DCHS2: variants seen among roughly 807,000 people sequenced by gnomAD.
DCHS2 encodes the protein dachsous cadherin-related 2, also known as protocadherin-23.
In DCHS2, 142 loss-of-function variants were observed where a neutral mutation model predicts 182.4. The observed-to-expected ratio is 0.78, with a 90% confidence interval of 0.68 to 0.89. The LOEUF (loss-of-function observed/expected upper bound fraction) is 0.89, where lower values mean the gene tolerates loss of function less well. Ranked by LOEUF, DCHS2 falls within the 40% of genes least tolerant of loss-of-function variation. The pLI, the probability that DCHS2 is intolerant of heterozygous loss-of-function variation, is 0.00. For synonymous variants in DCHS2, 1,740 were observed against 1,663.3 expected, an observed-to-expected ratio of 1.05 and a Z score of -1.12; for missense variants, 4,319 against 4,198.6, an observed-to-expected ratio of 1.03 and a Z score of -0.79.
At chr4:154,321,680 C>G (rs1314551195) in intron 8 of DCHS2, among the ~76,000 whole-genome samples, 1 of 152,112 alleles carries the variant, frequency 6.6e-6, no homozygotes, top group East Asian at 1.9e-4. Context: ...TTCTCTTAAC[C>G]CACATACCCT....
At chr4:154,451,358 G>T (rs547305052) in intron 1 of DCHS2, among the ~76,000 whole-genome samples, 10 of 152,112 alleles carry the variant, frequency 6.6e-5, no homozygotes, top group South Asian at 2.1e-4. Flanking sequence ...CACTTACTAC[G>T]CTCATCATGA....
At chr4:154,319,871 A>G (rs926118561) in intron 9 of DCHS2, among the ~76,000 whole-genome samples, 2 of 152,156 alleles carry the variant, frequency 1.3e-5, no homozygotes, top group African/African-American at 4.8e-5. Flanking sequence ...GATCTTGAAG[A>G]GAGAGTAACA....
chr4:154,357,160 C>T, intron 3 of DCHS2: 1 of 1,139,636 alleles, frequency 8.8e-7, no homozygotes, highest in Non-Finnish European at 1.3e-6. Context: ...TAGGTGCTTT[C>T]ATGGCCTTTT....
Position 154,322,335 on chromosome 4 carries a change from ATAT to A in DCHS2, c.4169_4171del (p.Asn1390del), listed in dbSNP as rs774836148. 4.3e-6 allele frequency: 7 copies of A among 1,613,244 alleles called. No individual in the cohort carries two copies. On this transcript the variant is annotated inframe_deletion, in exon 8 of 20. Transcript: ENST00000357232. Reference sequence around the variant, plus strand: ...ATTTTATGGTGACAACATTACCTGAATATTAACAACTGCCTGTCCTTGAAGAGG... The same window carrying A: ...ATTTTATGGTGACAACATTACCTGAATAACAACTGCCTGTCCTTGAAGAGG...
chr4:154,280,057 C>T (rs979942674), intron 13 of DCHS2, among the ~76,000 whole-genome samples: 1 of 151,718 alleles, frequency 6.6e-6, no homozygotes, highest in Non-Finnish European at 1.5e-5. Flanking sequence ...AAAACCAATG[C>T]CACAGAAATC....
At chr4:154,237,928 ATTTAATGTTTTTAACATTGCC>A (rs1365528030) in intron 19 of DCHS2, among the ~76,000 whole-genome samples, 2 of 152,190 alleles carry the variant, frequency 1.3e-5, no homozygotes, top group African/African-American at 4.8e-5. Flanking sequence ...TAAACATTGC[ATTTAATGTTTTTAACATTGCC>A]TTTAATGTTT....
In DCHS2 at chr4:154,298,624, C is replaced by T; in HGVS notation, c.5690G>A (p.Ser1897Asn). ...GCACAGAATGACAAGGGTAAAATTG[C>T]TGATTTGCTCCCGGTCCAAAGCACG... The part of the protein sequence containing the change: ...TTRALDREQI[S>N]NFTLVILCSD... Residue 1897 changes from serine (S) to asparagine (N), a missense_variant, in exon 13 of 20, where the codon AGC (serine) becomes AAC (asparagine). Physicochemically the swap from Ser to Asn is conservative, Grantham distance 46. Coordinates refer to ENST00000357232, the MANE Select transcript of DCHS2 (RefSeq NM_001358235.2). The T allele has an allele frequency of 6.2e-7, 1 of 1,614,094 alleles. No homozygotes were observed. The highest frequency in any genetic ancestry group is 8.5e-7 in the Non-Finnish European group (1 of 1,179,976).
Position 154,298,120 on chromosome 4 carries a change from A to G in DCHS2, c.6194T>C (p.Leu2065Pro), listed in dbSNP as rs1395478229. 6.2e-7 allele frequency: 1 copy of G among 1,614,188 alleles called. No homozygotes were observed. The highest frequency in any genetic ancestry group is 8.5e-7 in the Non-Finnish European group (1 of 1,180,034). Residue 2065 changes from leucine (L) to proline (P), a missense_variant, in exon 13 of 20, where the codon CTG becomes CCG. Coordinates refer to ENST00000357232, the MANE Select transcript of DCHS2 (RefSeq NM_001358235.2). ...QTTVIVRADD[L>P]DLGPNGTVVF... is the part of the protein sequence containing the mutation. ...CACAGTTCCATTGGGCCCCAAGTCC[A>G]GGTCATCAGCTCTCACAATGACAGT... is the stretch of plus-strand genomic sequence containing the variant.
At chr4:154,390,205 G>A (rs1223970440) in intron 1 of DCHS2, among the ~76,000 whole-genome samples, 3 of 149,500 alleles carry the variant, frequency 2.0e-5, no homozygotes, top group South Asian at 2.1e-4. Flanking sequence ...ACGCTGGTGC[G>A]CTGCACCCAC....
chr4:154,275,379 T>G (rs1733808078), intron 13 of DCHS2, among the ~76,000 whole-genome samples: 1 of 152,168 alleles, frequency 6.6e-6, no homozygotes. Context: ...CAAACGGTTA[T>G]TCTTTTCAAG....
chr4:154,385,609 T>C (rs1731376891), intron 1 of DCHS2, among the ~76,000 whole-genome samples: 1 of 151,952 alleles, frequency 6.6e-6, no homozygotes, highest in African/African-American at 2.4e-5. Flanking sequence ...TGACTTAGCC[T>C]CCCAAGTGCT....
At chr4:154,468,812 T>C (rs773650243) in intron 1 of DCHS2, among the ~76,000 whole-genome samples, 3 of 152,080 alleles carry the variant, frequency 2.0e-5, no homozygotes, top group Non-Finnish European at 4.4e-5. Flanking sequence ...AAATACCAAA[T>C]ATTTATTGCC....
intron 3 of DCHS2, among the ~76,000 whole-genome samples, chr4:154,342,263 T>A (rs550554676): frequency 2.0e-4 from 30 of 152,156 alleles, no homozygotes; most frequent in Non-Finnish European, 4.1e-4. Context: ...AGTGGTAATC[T>A]TCTTGCTGGT....
At chr4:154,388,760 C>T (rs1160037243) in intron 1 of DCHS2, among the ~76,000 whole-genome samples, 1 of 152,084 alleles carries the variant, frequency 6.6e-6, no homozygotes, top group East Asian at 1.9e-4. Flanking sequence ...TCCCAAAGTG[C>T]TGGGATTACA....
chr4:154,381,267 G>A (rs1354980663), intron 1 of DCHS2, among the ~76,000 whole-genome samples: 1 of 151,948 alleles, frequency 6.6e-6, no homozygotes, highest in African/African-American at 2.4e-5. Context: ...TTCTCCCCAA[G>A]TCTATCTTTC....
At chr4:154,260,591 G>A (rs563730651) in intron 14 of DCHS2, among the ~76,000 whole-genome samples, 5 of 152,062 alleles carry the variant, frequency 3.3e-5, no homozygotes, top group African/African-American at 4.8e-5. Flanking sequence ...TCACGCATGC[G>A]GTTCCATCAG....
chr4:154,438,916 T>C (rs957529096), intron 1 of DCHS2, among the ~76,000 whole-genome samples: 4 of 152,088 alleles, frequency 2.6e-5, no homozygotes, highest in East Asian at 1.9e-4. Context: ...CTATAAAGAG[T>C]TGGGCTCATG....
intron 1 of DCHS2, among the ~76,000 whole-genome samples, chr4:154,438,244 T>A (rs991160458): frequency 3.9e-5 from 6 of 152,180 alleles, no homozygotes; most frequent in East Asian, 1.9e-4. Flanking sequence ...CAGGGCTGAG[T>A]CTGGCCCATT....
chr4:154,344,909 A>G (rs754245058), intron 3 of DCHS2, among the ~76,000 whole-genome samples: 28 of 152,342 alleles, frequency 1.8e-4, no homozygotes, highest in Non-Finnish European at 3.4e-4. Flanking sequence ...GGCAGTGCTC[A>G]CTGTCCAAAA....
Sources: gnomAD v4.1 joint callset for allele counts (sites outside exome capture counted in the v4.1 genomes callset) on GRCh38, gnomAD v4.1.1 for gene constraint, MANE v1.5 for transcripts, NCBI Gene and HGNC (gene_info 2026-07-23, HGNC 2026-07-21) for gene names.